Variants in CRYBG3 observed in about 807,000 individuals in gnomAD.
CRYBG3 encodes very large A-kinase anchor protein.
A neutral mutation model predicts 244.2 loss-of-function variants in CRYBG3; 127 were observed. The ratio of observed to expected loss-of-function variants is 0.52; its 90% CI spans 0.45 to 0.60. The LOEUF (loss-of-function observed/expected upper bound fraction) is 0.60, where lower values mean the gene tolerates loss of function less well. Ranked by LOEUF, CRYBG3 falls within the 20% of genes least tolerant of loss-of-function variation. The pLI is 0.00. For missense variants in CRYBG3, 3,325 were observed against 3,442.5 expected (o/e 0.97, Z 0.85); for synonymous variants, 1,132 against 1,195.8 (o/e 0.95, Z 1.10).
chr3:97,915,698 C>G lies in CRYBG3; in HGVS notation c.8203C>G (p.Pro2735Ala), dbSNP rs2039921825. The change falls in exon 17 of 22, where the codon CCA (proline) becomes GCA (alanine). Residue 2735 changes from proline to alanine, a missense_variant. Physicochemically the swap from Pro to Ala is conservative, Grantham distance 27. Transcript: ENST00000389622. ...TGCTGACCTTACTTCCTGCGGTTGCCCAGCATCTAAAGTCAAATCTCTCAA... is the reference window on the plus strand; with the variant it reads ...TGCTGACCTTACTTCCTGCGGTTGCGCAGCATCTAAAGTCAAATCTCTCAA... ...LYADLTSCGC[P>A]ASKVKSLKPI... 2 of 1,612,448 alleles carry G rather than the reference C, an allele frequency of 1.2e-6. No homozygotes were observed. Among genetic ancestry groups the G allele is most frequent in the Non-Finnish European group, 1.7e-6 (2 of 1,178,812 alleles).
intron 1 of CRYBG3, among the ~76,000 whole-genome samples, chr3:97,833,010 A>G (rs999691349): frequency 9.9e-5 from 15 of 152,236 alleles, no homozygotes; most frequent in African/African-American, 3.6e-4. Flanking sequence ...CAAAACCACA[A>G]TGAGATACCA....
chr3:97,877,016 A>T lies in CRYBG3; in HGVS notation c.5822A>T (p.Tyr1941Phe). 6.4e-7 allele frequency: 1 copy of T among 1,555,580 alleles called. No individual in the cohort carries two copies. The highest frequency in any genetic ancestry group is 8.7e-7 in the Non-Finnish European group (1 of 1,153,850). The change falls in exon 4 of 22, where the codon TAT (tyrosine) becomes TTT (phenylalanine). Residue 1941 changes from tyrosine to phenylalanine, a missense_variant. Around this residue, in one of 4 missense-constraint regions of CRYBG3, gnomAD observed 450 missense variants for 424.1 expected, o/e 1.06. Coordinates refer to ENST00000389622, the MANE Select transcript of CRYBG3 (RefSeq NM_153605.4). ...GAATCCCCTACATTAAGTAAGGATT[A>T]TGAGGGCTACCCAGCCCCAGCAATG... ...GYESPTLSKD[Y>F]EGYPAPAMPD...
rs1391030029 is a variant in CRYBG3 at position 97,873,192 on chromosome 3, G to A, written c.1998G>A (p.Leu666=). 9.1e-6 allele frequency: 14 copies of A among 1,535,788 alleles called. No homozygotes were observed. Among genetic ancestry groups the A allele is most frequent in the South Asian group, 8.3e-5 (7 of 84,044 alleles). Residue 666 remains leucine (L), a synonymous_variant, in exon 4 of 22, where the codon CTG becomes CTA. Transcript: ENST00000389622. ...CCTTTGTTTCTGGAGTTGGGATGCT[G>A]AGCAAGTTGGATATTCCTGATTTAA... The part of the protein sequence containing the change: ...PPTFVSGVGM[L]SKLDIPDLMN...
Position 97,872,826 on chromosome 3 carries a change from T to A in CRYBG3, c.1632T>A (p.His544Gln), listed in dbSNP as rs2039321818. The change falls in exon 4 of 22, where the codon CAT becomes CAA. Residue 544 changes from histidine (H) to glutamine (Q), a missense_variant. Physicochemically the swap from His to Gln is conservative, Grantham distance 24. This residue lies in a region of CRYBG3 where 1,526 missense variants were observed against 1,443.2 expected (regional missense o/e 1.06). Transcript: ENST00000389622. ...CTGGTGAATCCATAGCTTCAAGTCATGTAAAAGCTCCAGAAGATAAAATTG... is the reference window on the plus strand; with the variant it reads ...CTGGTGAATCCATAGCTTCAAGTCAAGTAAAAGCTCCAGAAGATAAAATTG... ...ASAGESIASS[H>Q]VKAPEDKIES... is the part of the protein sequence containing the mutation. 6.5e-7 allele frequency: 1 copy of A among 1,535,940 alleles called. No individual in the cohort carries two copies. Among genetic ancestry groups the A allele is most frequent in the East Asian group, 2.4e-5 (1 of 40,918 alleles).
intron 11 of CRYBG3, among the ~76,000 whole-genome samples, chr3:97,895,675 C>A (rs2039631786): frequency 6.6e-6 from 1 of 152,172 alleles, no homozygotes; most frequent in African/African-American, 2.4e-5. Flanking sequence ...TGTTCTCTGA[C>A]CAACTTGCGC....
In CRYBG3 at chr3:97,909,078, C is replaced by T. The variant is rs1438089372; in HGVS notation, c.8005-3089C>T. Among the ~76,000 whole-genome samples, 3 of 152,200 alleles carry T rather than the reference C, an allele frequency of 2.0e-5. No homozygotes were observed. In the East Asian group the frequency reaches 5.8e-4, roughly 29 times the overall value. Reference sequence around the variant, plus strand: ...TTTAAGAATGTTGAATATTGGCCCCCACTCCCCTCTGGCTTGTAGGGTTTC... The same window carrying T: ...TTTAAGAATGTTGAATATTGGCCCCTACTCCCCTCTGGCTTGTAGGGTTTC... On this transcript the variant is annotated intron_variant, in intron 15 of 21. Coordinates refer to ENST00000389622, the MANE Select transcript of CRYBG3 (RefSeq NM_153605.4).
chr3:97,922,402 A>G (rs533519270), intron 17 of CRYBG3, among the ~76,000 whole-genome samples: 4 of 152,340 alleles, frequency 2.6e-5, no homozygotes, highest in African/African-American at 9.6e-5. Flanking sequence ...TGAGCAGGCA[A>G]CCTACAGAAT....
chr3:97,874,144 G>T lies in CRYBG3; in HGVS notation c.2950G>T (p.Glu984Ter). ...GACTAAAAAGATTTCTGGTCACTCAGAAATGGCGGAACTCAGCTTAACTAA... is the reference window on the plus strand; with the variant it reads ...GACTAAAAAGATTTCTGGTCACTCATAAATGGCGGAACTCAGCTTAACTAA... ...CGTKKISGHS[E>*]MAELSLTNIS... The change falls in exon 4 of 22, where the codon GAA becomes TAA. Residue 984 changes from glutamate (E) to a stop codon, truncating the protein, a stop_gained. Transcript: ENST00000389622. LOFTEE classifies it high-confidence loss of function. The T allele has an allele frequency of 6.5e-7, 1 of 1,533,680 alleles. No homozygotes were observed. Among genetic ancestry groups the T allele is most frequent in the Non-Finnish European group, 8.7e-7 (1 of 1,146,262 alleles).
intron 2 of CRYBG3, among the ~76,000 whole-genome samples, chr3:97,859,873 T>A (rs1031956932): frequency 1.3e-5 from 2 of 152,208 alleles, no homozygotes; most frequent in African/African-American, 4.8e-5. Flanking sequence ...GTCTTTATTA[T>A]AAGTATTAGA....
intron 15 of CRYBG3, among the ~76,000 whole-genome samples, chr3:97,905,208 G>C (rs2039757341): frequency 6.6e-6 from 1 of 151,868 alleles, no homozygotes; most frequent in African/African-American, 2.4e-5. Context: ...AAATATACGT[G>C]TGCATGTGTC....
rs946865897 is a variant in CRYBG3 at position 97,880,178 on chromosome 3, A to G, written c.7004+78A>G. On this transcript the variant is annotated intron_variant, in intron 6 of 21. Transcript: ENST00000389622. Reference sequence around the variant, plus strand: ...TCTTGCTGTTAATGCTTTTTTTTCTATTTTTTATTGAAGTCATATTCTCCT... The same window carrying G: ...TCTTGCTGTTAATGCTTTTTTTTCTGTTTTTTATTGAAGTCATATTCTCCT... 11 of 712,002 alleles carry G rather than the reference A, an allele frequency of 1.5e-5. No homozygotes were observed. The African/African-American group carries it at 1.7e-4, about 11-fold the overall frequency. The allele number at this position is 712,002 out of a possible 1,614,324, so 44.1% of individuals were successfully genotyped here.
intron 1 of CRYBG3, among the ~76,000 whole-genome samples, chr3:97,831,713 C>T (rs576235575): frequency 6.6e-6 from 1 of 152,066 alleles, no homozygotes; most frequent in Non-Finnish European, 1.5e-5. Flanking sequence ...GGGGGATTAC[C>T]GTTAACAATA....
chr3:97,879,949 T>C, intron 5 of CRYBG3, 36 bp from the exon 6 acceptor site: 1 of 1,105,876 alleles, frequency 9.0e-7, no homozygotes, highest in East Asian at 2.4e-5. Flanking sequence ...AAAAATTAGT[T>C]ATTGTAACTA....
chr3:97,891,811 A>G lies in CRYBG3; in HGVS notation c.7441-1049A>G, dbSNP rs143751908. ...TTTGAGGAGAGAAATGAATGGGAGCATTGCCGTGGTAGAGAATGACTTTCT... is the reference window on the plus strand; with the variant it reads ...TTTGAGGAGAGAAATGAATGGGAGCGTTGCCGTGGTAGAGAATGACTTTCT... On this transcript the variant is annotated intron_variant, in intron 10 of 21. Transcript: ENST00000389622. Among the ~76,000 whole-genome samples, 8 of 152,276 alleles carry G rather than the reference A, an allele frequency of 5.3e-5. No individual in the cohort carries two copies. In the East Asian group the frequency reaches 5.8e-4, roughly 11 times the overall value.
chr3:97,864,213 A>G lies in CRYBG3; in HGVS notation c.217-4A>G. ...GCTTATGATTGTCTATTTTGTTTTCAAAGATTCGCCAAAGTGAGGACAAAA... is the reference window on the plus strand; with the variant it reads ...GCTTATGATTGTCTATTTTGTTTTCGAAGATTCGCCAAAGTGAGGACAAAA... On this transcript the variant is annotated splice_polypyrimidine_tract_variant and splice_region_variant and intron_variant, in intron 2 of 21. Coordinates refer to ENST00000389622, the MANE Select transcript of CRYBG3 (RefSeq NM_153605.4). 6.8e-7 allele frequency: 1 copy of G among 1,478,148 alleles called. No individual in the cohort carries two copies. 91.6% of individuals were successfully genotyped at this position (1,478,148 alleles called of 1,614,324 possible). A position where few individuals can be genotyped will look rare whatever the true frequency, so the allele number is the denominator to read the frequency against.
chr3:97,879,364 C>A (rs1293741819), intron 4 of CRYBG3, among the ~76,000 whole-genome samples: 1 of 152,184 alleles, frequency 6.6e-6, no homozygotes, highest in African/African-American at 2.4e-5. Context: ...CTCTTTGAAC[C>A]TCTGTATGCC....
In CRYBG3 at chr3:97,875,721, A is replaced by G; in HGVS notation, c.4527A>G (p.Pro1509=). The G allele has an allele frequency of 8.1e-7, 1 of 1,232,330 alleles. No individual in the cohort carries two copies. Among genetic ancestry groups the G allele is most frequent in the East Asian group, 3.2e-5 (1 of 31,690 alleles). 76.3% of individuals were successfully genotyped at this position (1,232,330 alleles called of 1,614,324 possible). Residue 1509 remains proline, a synonymous_variant, in exon 4 of 22, where the codon CCA becomes CCG. Transcript: ENST00000389622. The part of the protein sequence containing the change: ...SLVCISEKNL[P]GHSKNTPLAM... ...TATGTATATCTGAAAAAAACTTGCC[A>G]GGACACAGTAAAAACACACCTCTTG...
chr3:97,852,494 T>G (rs2039000523), intron 2 of CRYBG3, among the ~76,000 whole-genome samples: 1 of 152,030 alleles, frequency 6.6e-6, no homozygotes, highest in African/African-American at 2.4e-5. Context: ...TGATTGGGAG[T>G]AAAGGAAAAG....
chr3:97,831,096 A>G (rs371919644), intron 1 of CRYBG3, among the ~76,000 whole-genome samples: 2 of 152,196 alleles, frequency 1.3e-5, no homozygotes, highest in Non-Finnish European at 2.9e-5. Context: ...TGATTACCAA[A>G]TATCCCAGTA....
Sources: allele counts gnomAD v4.1 joint callset (sites outside exome capture counted in the v4.1 genomes callset), GRCh38; gene constraint gnomAD v4.1.1; regional missense constraint gnomAD v4.1.1; transcripts MANE v1.5; gene names NCBI Gene and HGNC (gene_info 2026-07-23, HGNC 2026-07-21).